FGF3: variants seen among roughly 807,000 people sequenced by gnomAD.
The protein encoded by FGF3 is FGF-3.
A neutral mutation model predicts 9.8 loss-of-function variants in FGF3; 7 were observed. That is an observed-to-expected ratio of 0.72 (90% CI 0.41 to 1.35). The LOEUF (loss-of-function observed/expected upper bound fraction) is 1.35. Among genes scored for constraint, FGF3 ranks in the 40% most tolerant of loss-of-function variants. The probability of loss-of-function intolerance (pLI) is 0.01; values close to 1 mark genes in which losing one functional copy is unlikely to be tolerated. For missense variants in FGF3, 390 were observed against 345.6 expected, an observed-to-expected ratio of 1.13 and a Z score of -1.02; for synonymous variants, 173 against 157.2, an observed-to-expected ratio of 1.10 and a Z score of -0.75.
At chr11:69,815,136 T>TGG (rs1554980961) in intron 2 of FGF3, among the ~76,000 whole-genome samples, 2 of 135,766 alleles carry the variant, frequency 1.5e-5, no homozygotes, top group African/African-American at 2.8e-5. Context: ...GATGGATGGA[T>TGG]AGGTGGATGG....
rs1855997669 is a variant in FGF3 at position 69,810,088 on chromosome 11, A to G, written c.*217T>C. On this transcript the variant is annotated 3_prime_UTR_variant, in exon 3 of 3. Transcript: ENST00000334134. The stretch of plus-strand genomic sequence containing the variant: ...CCCTTCCCTGCCGGCTTCCTGCCAC[A>G]CAGACCCACAAATGCCCTGCATTGC... The G allele has an allele frequency of 1.9e-6, 1 of 520,770 alleles. No individual in the cohort carries two copies. Among genetic ancestry groups the G allele is most frequent in the Non-Finnish European group, 3.3e-6 (1 of 298,854 alleles). The allele number at this position is 520,770 out of a possible 1,614,324, so 32.3% of individuals were successfully genotyped here.
intron 1 of FGF3, among the ~76,000 whole-genome samples, chr11:69,817,852 C>G (rs1198801302): frequency 6.6e-6 from 1 of 152,212 alleles, no homozygotes; most frequent in East Asian, 1.9e-4. Context: ...GGGCTCGGCG[C>G]GGGCCTCAGG....
intron 2 of FGF3, among the ~76,000 whole-genome samples, chr11:69,812,180 C>T (rs529116858): frequency 3.3e-5 from 5 of 152,160 alleles, no homozygotes; most frequent in South Asian, 2.1e-4. Context: ...GGGGACTGGC[C>T]GCAGGGAGGA....
chr11:69,817,706 C>T (rs1286085068), intron 1 of FGF3, among the ~76,000 whole-genome samples: 7 of 152,212 alleles, frequency 4.6e-5, no homozygotes, highest in African/African-American at 1.7e-4. Context: ...CTTCAAGCGG[C>T]GGAACCGCTT....
chr11:69,818,214 C>A (rs1294614230), intron 1 of FGF3, among the ~76,000 whole-genome samples: 1 of 152,242 alleles, frequency 6.6e-6, no homozygotes, highest in African/African-American at 2.4e-5. Context: ...GCGGAGGGGA[C>A]GGCGGGGCGT....
rs782692102 is a variant in FGF3, at chr11:69,816,473, G to A, written c.221-50C>T. The A allele has an allele frequency of 3.6e-5, 52 of 1,462,698 alleles. No individual in the cohort carries two copies. The Admixed American group carries it at 5.4e-4, about 15-fold the overall frequency. The allele number at this position is 1,462,698 out of a possible 1,614,324, so 90.6% of individuals were successfully genotyped here. Reference sequence around the variant, plus strand: ...CTCCCGCCGCCCCCACGGAGGGGGCGGCTGAGGCCCAGCTGGCCCTGCCCA... The same window carrying A: ...CTCCCGCCGCCCCCACGGAGGGGGCAGCTGAGGCCCAGCTGGCCCTGCCCA... On this transcript the variant is annotated intron_variant, in intron 1 of 2. Coordinates refer to ENST00000334134, the MANE Select transcript of FGF3 (RefSeq NM_005247.4).
Position 69,819,276 on chromosome 11 carries a change from G to C in FGF3, c.-343C>G, listed in dbSNP as rs1856200062. Among the ~76,000 whole-genome samples, 1 of 151,660 alleles carries C rather than the reference G, an allele frequency of 6.6e-6. No homozygotes were observed. The highest frequency in any genetic ancestry group is 6.6e-5 in the Admixed American group (1 of 15,262). On this transcript the variant is annotated 5_prime_UTR_variant, in exon 1 of 3. Transcript: ENST00000334134. Reference sequence around the variant, plus strand: ...CCAGGCGGAGGCGCGGGAGGGGCGGGAGGCCGGCGGGTGGGGAGCCCCGCG... The same window carrying C: ...CCAGGCGGAGGCGCGGGAGGGGCGGCAGGCCGGCGGGTGGGGAGCCCCGCG...
Position 69,810,679 on chromosome 11 carries a change from C to G in FGF3, c.346G>C (p.Glu116Gln), listed in dbSNP as rs79472069. Residue 116 changes from glutamate (E) to glutamine (Q), a missense_variant, in exon 3 of 3, where the codon GAG becomes CAG. Physicochemically the swap from Glu to Gln is conservative, Grantham distance 29. Coordinates refer to ENST00000334134, the MANE Select transcript of FGF3 (RefSeq NM_005247.4). ...YASEHYSAECEFVERIHELGY... is the reference protein window; with the variant it reads ...YASEHYSAECQFVERIHELGY... ...AGCTCGTGGATCCGCTCCACAAACT[C>G]GCACTCGGCGCTGTAGTGCTCCTGC... 2 of 1,590,574 alleles carry G rather than the reference C, an allele frequency of 1.3e-6. No individual in the cohort carries two copies. The highest frequency in any genetic ancestry group is 4.5e-5 in the East Asian group (2 of 44,450).
chr11:69,810,725 AGTG>A, intron 2 of FGF3, 25 bp from the exon 3 acceptor site: 1 of 1,552,900 alleles, frequency 6.4e-7, no homozygotes, highest in South Asian at 1.2e-5. Context: ...TATCATGGTC[AGTG>A]CCCCGGGGAG....
chr11:69,815,140 T>C (rs1251533468), intron 2 of FGF3, among the ~76,000 whole-genome samples: 2 of 146,842 alleles, frequency 1.4e-5, no homozygotes, highest in African/African-American at 2.6e-5. Context: ...GATGGATAGG[T>C]GGATGGGTGG....
In FGF3 at chr11:69,818,726, TCTCC is replaced by T; in HGVS notation, c.204_207del (p.Glu69ThrfsTer9). On this transcript the variant is annotated frameshift_variant, in exon 1 of 3. Transcript: ENST00000334134. LOFTEE classifies it high-confidence loss of function. ...GTCCGGCACTCACTGTAGGCGCTGT[TCTCC>T]AGGCTGCCGTTGACGCGGCCGCTCG... The T allele has an allele frequency of 6.7e-7, 1 of 1,491,584 alleles. No homozygotes were observed. Among genetic ancestry groups the T allele is most frequent in the Non-Finnish European group, 8.9e-7 (1 of 1,127,304 alleles). 92.4% of individuals were successfully genotyped at this position (1,491,584 alleles called of 1,614,324 possible).
At position 69,810,153 on chromosome 11, in the gene FGF3, T is replaced by C. The variant is rs1855999455; in HGVS notation, c.*152A>G. The C allele has an allele frequency of 4.0e-6, 3 of 756,812 alleles. No individual in the cohort carries two copies. The highest frequency in any genetic ancestry group is 4.1e-5 in the South Asian group (2 of 48,246). The allele number at this position is 756,812 out of a possible 1,614,324, so 46.9% of individuals were successfully genotyped here. The stretch of plus-strand genomic sequence containing the variant: ...GAGCTCCGACTTGGGCCCTCTTCAG[T>C]TCCCACTGGACCCTGATTTGAGCTG... On this transcript the variant is annotated 3_prime_UTR_variant, in exon 3 of 3. Coordinates refer to ENST00000334134, the MANE Select transcript of FGF3 (RefSeq NM_005247.4).
chr11:69,818,600 G>T, intron 1 of FGF3, 114 bp downstream of exon 1: 1 of 742,676 alleles, frequency 1.3e-6, no homozygotes, highest in Non-Finnish European at 1.9e-6. Context: ...CTTCTCCCGG[G>T]CCAGACCCCT....
intron 2 of FGF3, among the ~76,000 whole-genome samples, chr11:69,813,575 GAT>G: frequency 7.4e-6 from 1 of 134,402 alleles, no homozygotes; most frequent in Non-Finnish European, 1.6e-5. Flanking sequence ...TGGGTGGATG[GAT>G]GGATGGATAG....
intron 2 of FGF3, among the ~76,000 whole-genome samples, chr11:69,813,279 G>A (rs1471500908): frequency 6.6e-6 from 1 of 152,162 alleles, no homozygotes; most frequent in Non-Finnish European, 1.5e-5. Flanking sequence ...CAGATGGCTT[G>A]GAGAGTTGAG....
At chr11:69,818,302 C>G (rs1447807019) in intron 1 of FGF3, among the ~76,000 whole-genome samples, 2 of 152,172 alleles carry the variant, frequency 1.3e-5, no homozygotes, top group Middle Eastern at 6.3e-3. Context: ...TCCTTTTCTC[C>G]GACACATTCA....
chr11:69,814,801 G>A (rs1856099691), intron 2 of FGF3, among the ~76,000 whole-genome samples: 1 of 152,214 alleles, frequency 6.6e-6, no homozygotes, highest in Admixed American at 6.5e-5. Context: ...AGGAGCCTCT[G>A]TCCACCCTTC....
chr11:69,814,669 G>A (rs1029973813), intron 2 of FGF3, among the ~76,000 whole-genome samples: 28 of 152,134 alleles, frequency 1.8e-4, no homozygotes, highest in African/African-American at 6.8e-4. Context: ...TGACGGAGTT[G>A]GCATCCAGGC....
At chr11:69,815,506 G>A (rs563922756) in intron 2 of FGF3, among the ~76,000 whole-genome samples, 53 of 152,332 alleles carry the variant, frequency 3.5e-4, no homozygotes, top group Middle Eastern at 3.4e-3. Flanking sequence ...GCTGCGGGAT[G>A]TGTCCTCTGT....
Sources: gnomAD v4.1 joint callset for allele counts (sites outside exome capture counted in the v4.1 genomes callset) on GRCh38, gnomAD v4.1.1 for gene constraint, MANE v1.5 for transcripts, NCBI Gene and HGNC (gene_info 2026-07-23, HGNC 2026-07-21) for gene names.